PRKN: variants seen among roughly 807,000 people sequenced by gnomAD.
The protein encoded by PRKN is E3 ubiquitin-protein ligase parkin.
In PRKN, 56 loss-of-function variants were observed where a neutral mutation model predicts 59.5. That is an observed-to-expected ratio of 0.94 (90% CI 0.76 to 1.18). PRKN has a LOEUF of 1.18. PRKN is among the 50% of genes most tolerant of loss of function. The pLI, the probability that PRKN is intolerant of heterozygous loss-of-function variation, is 0.00. For missense variants in PRKN, 657 were observed against 596.4 expected, an observed-to-expected ratio of 1.10 and a Z score of -1.06; for synonymous variants, 250 against 222.1, an observed-to-expected ratio of 1.13 and a Z score of -1.12.
At chr6:162,664,720 C>T (rs1348662530) in intron 1 of PRKN, among the ~76,000 whole-genome samples, 1 of 151,904 alleles carries the variant, frequency 6.6e-6, no homozygotes. Flanking sequence ...CCTTTGCCCA[C>T]TTTTTGATGC....
At chr6:162,396,133 GT>G (rs146589543) in intron 2 of PRKN, among the ~76,000 whole-genome samples, 10,651 of 152,248 alleles carry the variant, frequency 0.07, 731 homozygotes, top group East Asian at 0.38. Flanking sequence ...CAGAGCTTTT[GT>G]TTTCACTTCC....
At chr6:162,661,762 A>AG (rs1350507913) in intron 1 of PRKN, among the ~76,000 whole-genome samples, 1 of 152,222 alleles carries the variant, frequency 6.6e-6, no homozygotes, top group Non-Finnish European at 1.5e-5. Flanking sequence ...TTCTTGAAGC[A>AG]GAAAAAAAGG....
At chr6:161,791,638 G>A (rs1181391745) in intron 6 of PRKN, among the ~76,000 whole-genome samples, 1 of 152,220 alleles carries the variant, frequency 6.6e-6, no homozygotes, top group Non-Finnish European at 1.5e-5. Flanking sequence ...GATATTTCAA[G>A]CTATGCAAAG....
intron 7 of PRKN, among the ~76,000 whole-genome samples, chr6:161,666,273 G>A (rs966466169): frequency 1.3e-5 from 2 of 152,174 alleles, no homozygotes; most frequent in Admixed American, 6.5e-5. Context: ...ATTATCACCC[G>A]AGCTCCACCT....
chr6:161,879,957 T>C (rs1253116942), intron 6 of PRKN, among the ~76,000 whole-genome samples: 2 of 152,176 alleles, frequency 1.3e-5, no homozygotes, highest in South Asian at 2.1e-4. Flanking sequence ...TAGAAGTAGA[T>C]GAAAATGCAC....
At chr6:162,415,666 A>C (rs1788592086) in intron 2 of PRKN, among the ~76,000 whole-genome samples, 1 of 152,120 alleles carries the variant, frequency 6.6e-6, no homozygotes, top group Middle Eastern at 3.4e-3. Flanking sequence ...AAAATACAAA[A>C]ATTAGCTGGA....
chr6:162,630,521 C>T (rs1323502035), intron 1 of PRKN, among the ~76,000 whole-genome samples: 1 of 152,064 alleles, frequency 6.6e-6, no homozygotes, highest in Admixed American at 6.6e-5. Flanking sequence ...ATCTAAAATC[C>T]TGTTTCTAGA....
At chr6:162,555,397 T>C (rs1342574236) in intron 1 of PRKN, among the ~76,000 whole-genome samples, 1 of 152,136 alleles carries the variant, frequency 6.6e-6, no homozygotes, top group Admixed American at 6.6e-5. Context: ...ATTTCAGTCA[T>C]CAATAAAATT....
intron 1 of PRKN, among the ~76,000 whole-genome samples, chr6:162,517,892 GA>G (rs1050421048): frequency 1.3e-5 from 2 of 152,006 alleles, no homozygotes; most frequent in African/African-American, 2.4e-5. Flanking sequence ...TGTATACCAT[GA>G]AAAAAATGTA....
At chr6:162,529,991 G>A (rs945387948) in intron 1 of PRKN, among the ~76,000 whole-genome samples, 7 of 152,064 alleles carry the variant, frequency 4.6e-5, no homozygotes, top group South Asian at 2.1e-4. Flanking sequence ...TTAGCCGGGC[G>A]TGATGGCACA....
chr6:162,113,224 C>A (rs1331909965), intron 4 of PRKN, among the ~76,000 whole-genome samples: 3 of 152,098 alleles, frequency 2.0e-5, no homozygotes, highest in Non-Finnish European at 2.9e-5. Context: ...TTAGAAAAGA[C>A]CCGATCTAAA....
chr6:162,577,893 C>T (rs1161361583), intron 1 of PRKN, among the ~76,000 whole-genome samples: 1 of 152,170 alleles, frequency 6.6e-6, no homozygotes, highest in Admixed American at 6.5e-5. Context: ...CACACCAGTG[C>T]AGTCCAGCCC....
At chr6:162,363,930 CAGT>C (rs1239673966) in intron 2 of PRKN, among the ~76,000 whole-genome samples, 14 of 152,202 alleles carry the variant, frequency 9.2e-5, no homozygotes, top group African/African-American at 3.4e-4. Context: ...CTTGCTATAA[CAGT>C]AGTCCCAGCT....
At chr6:162,281,780 AATC>A (rs1780922141) in intron 2 of PRKN, among the ~76,000 whole-genome samples, 1 of 152,202 alleles carries the variant, frequency 6.6e-6, no homozygotes, top group Non-Finnish European at 1.5e-5. Context: ...GACTTTGTAG[AATC>A]CTAAAATCCA....
intron 1 of PRKN, among the ~76,000 whole-genome samples, chr6:162,719,904 A>AAC (rs797003684): frequency 0.079 from 708 of 8,922 alleles, 6 homozygotes; most frequent in African/African-American, 0.19. Flanking sequence ...CAAAAAAAAA[A>AAC]AAAAAAAAAA....
chr6:161,687,645 C>CG (rs1296814831), intron 7 of PRKN, among the ~76,000 whole-genome samples: 1 of 151,140 alleles, frequency 6.6e-6, no homozygotes, highest in Non-Finnish European at 1.5e-5. Flanking sequence ...TTAATAGAGA[C>CG]GGGGTGTCAC....
At chr6:161,981,555 C>T (rs1726407326) in intron 5 of PRKN, among the ~76,000 whole-genome samples, 1 of 151,920 alleles carries the variant, frequency 6.6e-6, no homozygotes, top group African/African-American at 2.4e-5. Context: ...CCAAAAAATG[C>T]CAGATAAAGC....
intron 2 of PRKN, among the ~76,000 whole-genome samples, chr6:162,410,735 G>A (rs1583525034): frequency 6.6e-6 from 1 of 152,136 alleles, no homozygotes; most frequent in Non-Finnish European, 1.5e-5. Context: ...TCATCCAGGA[G>A]GCTTTTCCTT....
chr6:162,414,587 T>A (rs1788520101), intron 2 of PRKN, among the ~76,000 whole-genome samples: 1 of 151,428 alleles, frequency 6.6e-6, no homozygotes, highest in Non-Finnish European at 1.5e-5. Flanking sequence ...TGGTGGTGCC[T>A]GTAGTCCCAG....
Sources: gnomAD v4.1 joint callset for allele counts (sites outside exome capture counted in the v4.1 genomes callset) on GRCh38, gnomAD v4.1.1 for gene constraint, MANE v1.5 for transcripts, NCBI Gene and HGNC (gene_info 2026-07-23, HGNC 2026-07-21) for gene names.